Variants in SASH3 observed in about 807,000 individuals in gnomAD.
SASH3 encodes the protein SAM and SH3 domain containing 3.
Under a neutral mutation model 26.1 loss-of-function variants are expected in SASH3, and 7 were observed. The observed-to-expected ratio is 0.27, with a 90% confidence interval of 0.15 to 0.50. The LOEUF (loss-of-function observed/expected upper bound fraction) is 0.50, where lower values mean the gene tolerates loss of function less well. SASH3 is among the 20% of genes least tolerant of loss of function. SASH3 has a pLI of 0.98. For synonymous variants in SASH3, 138 were observed against 136.8 expected (o/e 1.01, Z -0.06); for missense variants, 231 against 318.3 (o/e 0.73, Z 2.09).
At chrX:129,782,656 C>T (rs1175496734) in intron 1 of SASH3, among the ~76,000 whole-genome samples, 2 of 112,215 alleles carry the variant, frequency 1.8e-5, no homozygotes, top group East Asian at 5.6e-4. Flanking sequence ...CTCTTGTCCC[C>T]TTGTTGATCT....
At chrX:129,790,624 C>T (rs895347016) in intron 3 of SASH3, among the ~76,000 whole-genome samples, 10 of 111,182 alleles carry the variant, frequency 9.0e-5, no homozygotes, top group African/African-American at 2.0e-4. Flanking sequence ...CCCAGTTGTG[C>T]GGTAGCAATG....
At chrX:129,784,123 C>T (rs1213841108) in intron 1 of SASH3, among the ~76,000 whole-genome samples, 2 of 110,668 alleles carry the variant, frequency 1.8e-5, no homozygotes, top group Non-Finnish European at 3.8e-5. Flanking sequence ...AACCGCTATC[C>T]TGACTTCCAA....
chrX:129,784,209 G>C (rs1569311658), intron 1 of SASH3, among the ~76,000 whole-genome samples: 9 of 111,169 alleles, frequency 8.1e-5, no homozygotes, highest in Non-Finnish European at 1.9e-5. Flanking sequence ...TTGGTGGCCA[G>C]CCCCTTTACT....
intron 1 of SASH3, among the ~76,000 whole-genome samples, chrX:129,781,612 C>T (rs752192152): frequency 8.9e-6 from 1 of 112,568 alleles, no homozygotes; most frequent in Non-Finnish European, 1.9e-5. Flanking sequence ...AAAGAGCTGA[C>T]ACTTTGACAC....
At chrX:129,784,094 C>A (rs912536065) in intron 1 of SASH3, among the ~76,000 whole-genome samples, 16 of 109,725 alleles carry the variant, frequency 1.5e-4, no homozygotes, top group African/African-American at 4.3e-4. Flanking sequence ...GTTACTACAC[C>A]CCCCCCTTCC....
intron 3 of SASH3, among the ~76,000 whole-genome samples, chrX:129,789,151 AAGAAAG>A (rs1927175868): frequency 1.5e-5 from 1 of 67,488 alleles, no homozygotes; most frequent in Non-Finnish European, 2.4e-5. Flanking sequence ...GAAAGAAAGA[AAGAAAG>A]AAAGAAAGAG....
At chrX:129,787,744 G>A (rs746683478) in intron 1 of SASH3, among the ~76,000 whole-genome samples, 2 of 112,092 alleles carry the variant, frequency 1.8e-5, no homozygotes, top group South Asian at 7.4e-4. Flanking sequence ...ATTGAGGTGT[G>A]AAGCTCTTGA....
Position 129,793,691 on chromosome X carries a change from G to A in SASH3, c.1002G>A (p.Val334=). The A allele has an allele frequency of 8.2e-7, 1 of 1,212,239 alleles. No homozygotes were observed. The highest frequency in any genetic ancestry group is 1.1e-6 in the Non-Finnish European group (1 of 895,514). The change falls in exon 8 of 8, where the codon GTG becomes GTA. Residue 334 remains valine (V), a synonymous_variant. Transcript: ENST00000356892. ...EEGAESSQEP[V]AHTVSEPKVD... Reference sequence around the variant, plus strand: ...GCGCCGAGAGCAGCCAGGAGCCAGTGGCACACACAGTGTCGGAACCCAAGG... The same window carrying A: ...GCGCCGAGAGCAGCCAGGAGCCAGTAGCACACACAGTGTCGGAACCCAAGG...
Position 129,793,111 on chromosome X carries a change from G to A in SASH3, c.924G>A (p.Thr308=), listed in dbSNP as rs761363673. The change falls in exon 7 of 8, where the codon ACG becomes ACA. Residue 308 remains threonine (T), a synonymous_variant. Coordinates refer to ENST00000356892, the MANE Select transcript of SASH3 (RefSeq NM_018990.4). Reference sequence around the variant, plus strand: ...CACAGCACCGGGCCAAGCTGCTCACGGCCGCCGAGCTGCTGCTGGACTATG... The same window carrying A: ...CACAGCACCGGGCCAAGCTGCTCACAGCCGCCGAGCTGCTGCTGGACTATG... ...MDPQHRAKLL[T]AAELLLDYDT... 23 of 1,209,872 alleles carry A rather than the reference G, an allele frequency of 1.9e-5. No homozygotes were observed. Among genetic ancestry groups the A allele is most frequent in the South Asian group, 8.8e-5 (5 of 56,836 alleles).
chrX:129,784,010 T>A (rs187313410), intron 1 of SASH3, among the ~76,000 whole-genome samples: 2 of 111,037 alleles, frequency 1.8e-5, no homozygotes, highest in Admixed American at 9.6e-5. Flanking sequence ...AATGTGAACA[T>A]CCCCATGTAG....
At chrX:129,782,985 AT>A (rs1431814483) in intron 1 of SASH3, among the ~76,000 whole-genome samples, 1 of 111,080 alleles carries the variant, frequency 9.0e-6, no homozygotes, top group Admixed American at 9.5e-5. Flanking sequence ...GTGGAGAGGG[AT>A]TTTTCCTGGA....
intron 2 of SASH3, 67 bp downstream of exon 2, chrX:129,788,137 G>GGGGGGGGGGGGGGGGGGGGCTGGC: frequency 2.8e-6 from 1 of 354,277 alleles, no homozygotes; most frequent in Non-Finnish European, 5.4e-6. Flanking sequence ...GGGTGGGAGG[G>GGGGGGGGGGGGGGGGGGGGCTGGC]AAGAGGGTGA....
chrX:129,780,201 C>A, intron 1 of SASH3, 47 bp downstream of exon 1: 24 of 1,108,143 alleles, frequency 2.2e-5, no homozygotes, highest in Non-Finnish European at 3.0e-5. Flanking sequence ...TCTGCTTGCT[C>A]GACCCATCCC....
chrX:129,788,471 C>A lies in SASH3; in HGVS notation c.194C>A (p.Ala65Asp), dbSNP rs1405870549. ...DDSGVPTPED[A>D]GKSGKKLGKK... The stretch of plus-strand genomic sequence containing the variant: ...TCAGGTGTCCCCACCCCAGAAGATG[C>A]TGGGAAGAGTGGCAAAAAGCTGGGG... Residue 65 changes from alanine to aspartate, a missense_variant, in exon 3 of 8, where the codon GCT becomes GAT. Physicochemically the swap from Ala to Asp is moderately radical, Grantham distance 126. Transcript: ENST00000356892. 1 of 1,209,475 alleles carries A rather than the reference C, an allele frequency of 8.3e-7. No individual in the cohort carries two copies. The highest frequency in any genetic ancestry group is 1.1e-6 in the Non-Finnish European group (1 of 894,625).
chrX:129,784,098 C>G (rs1392399961), intron 1 of SASH3, among the ~76,000 whole-genome samples: 1 of 110,818 alleles, frequency 9.0e-6, no homozygotes, highest in Non-Finnish European at 1.9e-5. Flanking sequence ...CTACACCCCC[C>G]CCTTCCCCCA....
In SASH3 at chrX:129,792,458, C is replaced by A. The variant is rs1432141495; in HGVS notation, c.573C>A (p.His191Gln). ...ACTTCACTCCCAGCCCCTATGACCA[C>A]GACTCGCTGAAACTGCAGGTAAGAT... ...HTDFTPSPYD[H>Q]DSLKLQKGDV... is the part of the protein sequence containing the mutation. The change falls in exon 5 of 8, where the codon CAC (histidine) becomes CAA (glutamine). Residue 191 changes from histidine to glutamine, a missense_variant. Transcript: ENST00000356892. 2.5e-6 allele frequency: 3 copies of A among 1,210,336 alleles called. No homozygotes were observed. Among genetic ancestry groups the A allele is most frequent in the East Asian group, 3.0e-5 (1 of 33,759 alleles).
chrX:129,781,960 G>A (rs1927024977), intron 1 of SASH3, among the ~76,000 whole-genome samples: 1 of 112,692 alleles, frequency 8.9e-6, no homozygotes, highest in Non-Finnish European at 1.9e-5. Flanking sequence ...CAGCGGGCTG[G>A]CTGAATCACT....
rs1028099353 is a variant in SASH3, at chrX:129,794,837, G to A, written c.*1005G>A. On this transcript the variant is annotated 3_prime_UTR_variant, in exon 8 of 8. Coordinates refer to ENST00000356892, the MANE Select transcript of SASH3 (RefSeq NM_018990.4). Reference sequence around the variant, plus strand: ...TCTGAGTCCAGAGTTGGCCACTTGTGTGGGTCCTCACAAGCAAAGAGAGCA... The same window carrying A: ...TCTGAGTCCAGAGTTGGCCACTTGTATGGGTCCTCACAAGCAAAGAGAGCA... 2 of 111,790 alleles carry A rather than the reference G, an allele frequency of 1.8e-5. No individual in the cohort carries two copies. 9.2% of individuals were successfully genotyped at this position (111,790 alleles called of 1,213,427 possible).
chrX:129,786,079 C>T (rs1370802290), intron 1 of SASH3, among the ~76,000 whole-genome samples: 2 of 111,230 alleles, frequency 1.8e-5, no homozygotes, highest in Non-Finnish European at 3.8e-5. Context: ...ACCCTGTGGT[C>T]ATGCTTCCCC....
Sources: allele counts gnomAD v4.1 joint callset (sites outside exome capture counted in the v4.1 genomes callset), GRCh38; gene constraint gnomAD v4.1.1; transcripts MANE v1.5; gene names NCBI Gene and HGNC (gene_info 2026-07-23, HGNC 2026-07-21).